The following HDAC9 variants were observed in gnomAD, a reference collection of about 807,000 sequenced individuals.
HDAC9 encodes MEF-2 interacting transcription repressor (MITR) protein.
Under a neutral mutation model 139.4 loss-of-function variants are expected in HDAC9, and 41 were observed. The ratio of observed to expected loss-of-function variants is 0.29; its 90% CI spans 0.23 to 0.38. HDAC9 has a LOEUF of 0.38. HDAC9 is among the 10% of genes least tolerant of loss of function. HDAC9 has a pLI of 1.00. For synonymous variants in HDAC9, 517 were observed against 476.2 expected (o/e 1.09, Z -1.12); for missense variants, 1,147 against 1,297.0 (o/e 0.88, Z 1.78).
At chr7:18,753,038 C>T (rs1788580674) in intron 14 of HDAC9, among the ~76,000 whole-genome samples, 1 of 152,012 alleles carries the variant, frequency 6.6e-6, no homozygotes. Flanking sequence ...AGTGATGTAT[C>T]CATTCGATGA....
intron 2 of HDAC9, among the ~76,000 whole-genome samples, chr7:18,167,637 T>C (rs995803332): frequency 3.3e-5 from 5 of 152,284 alleles, no homozygotes; most frequent in South Asian, 4.1e-4. Context: ...TCTAAGGTCA[T>C]TGTGCATCTC....
intron 2 of HDAC9, among the ~76,000 whole-genome samples, chr7:18,170,084 A>G (rs1259919562): frequency 1.3e-5 from 2 of 152,176 alleles, no homozygotes; most frequent in Non-Finnish European, 2.9e-5. Flanking sequence ...CAACAGTGTA[A>G]AAGTGTTCCT....
intron 1 of HDAC9, among the ~76,000 whole-genome samples, chr7:18,465,533 C>T (rs963689856): frequency 1.3e-5 from 2 of 152,102 alleles, no homozygotes; most frequent in East Asian, 3.9e-4. Context: ...AGAATGTAAA[C>T]AATACAAATG....
chr7:18,432,038 A>G (rs1013550333), intron 1 of HDAC9, among the ~76,000 whole-genome samples: 5 of 152,206 alleles, frequency 3.3e-5, no homozygotes, highest in African/African-American at 1.2e-4. Context: ...TAAAACAGGT[A>G]TCCATGCCTT....
intron 1 of HDAC9, among the ~76,000 whole-genome samples, chr7:18,425,049 A>C (rs931601347): frequency 6.6e-6 from 1 of 152,170 alleles, no homozygotes; most frequent in African/African-American, 2.4e-5. Context: ...GGAGAGGTAT[A>C]TGAAAATATT....
At chr7:18,309,110 A>G (rs1036493851) in intron 1 of HDAC9, among the ~76,000 whole-genome samples, 5 of 152,158 alleles carry the variant, frequency 3.3e-5, no homozygotes, top group African/African-American at 9.7e-5. Context: ...TGAGACTTTG[A>G]CCAGAAGTAT....
chr7:18,819,557 A>G (rs549005386), intron 17 of HDAC9, among the ~76,000 whole-genome samples: 10 of 152,304 alleles, frequency 6.6e-5, no homozygotes, highest in Middle Eastern at 3.4e-3. Flanking sequence ...TTTCCTGGAT[A>G]CCACATGGCT....
intron 1 of HDAC9, among the ~76,000 whole-genome samples, chr7:18,376,488 A>G (rs1785003195): frequency 6.6e-6 from 1 of 152,162 alleles, no homozygotes; most frequent in Admixed American, 6.5e-5. Flanking sequence ...TGGCACTCTA[A>G]GTTGATGCAT....
At chr7:18,727,844 C>A in intron 13 of HDAC9, 87 bp downstream of exon 13, 2 of 1,060,992 alleles carry the variant, frequency 1.9e-6, no homozygotes, top group Non-Finnish European at 2.6e-6. Flanking sequence ...CTGAATAACT[C>A]CAATAGCAGA....
At chr7:18,147,390 G>A (rs764224435) in intron 1 of HDAC9, among the ~76,000 whole-genome samples, 3 of 152,072 alleles carry the variant, frequency 2.0e-5, no homozygotes, top group Non-Finnish European at 2.9e-5. Flanking sequence ...TTGCTTTTAG[G>A]TATTTTTGTC....
chr7:18,755,785 G>C (rs1788823572), intron 14 of HDAC9, among the ~76,000 whole-genome samples: 1 of 152,092 alleles, frequency 6.6e-6, no homozygotes, highest in South Asian at 2.1e-4. Context: ...TTTCTGAAGT[G>C]CTTTAGAAAT....
chr7:18,631,395 C>T (rs1009363661), intron 7 of HDAC9, among the ~76,000 whole-genome samples: 4 of 151,926 alleles, frequency 2.6e-5, no homozygotes, highest in South Asian at 2.1e-4. Flanking sequence ...TTGGAGGCTC[C>T]GGACTACTGA....
chr7:18,824,554 T>C (rs1296800513), intron 17 of HDAC9, among the ~76,000 whole-genome samples: 3 of 152,170 alleles, frequency 2.0e-5, no homozygotes, highest in Non-Finnish European at 4.4e-5. Flanking sequence ...ATGCTTGACA[T>C]TGAAATCATG....
intron 17 of HDAC9, among the ~76,000 whole-genome samples, chr7:18,801,345 G>A (rs943292017): frequency 1.3e-5 from 2 of 151,904 alleles, no homozygotes; most frequent in African/African-American, 4.8e-5. Context: ...TTTATAGGTG[G>A]CTATTGGTAT....
intron 2 of HDAC9, chr7:18,578,100 T>C (rs1033423021): frequency 1.2e-5 from 6 of 518,334 alleles, no homozygotes; most frequent in African/African-American, 5.8e-5. Context: ...CAGAGTGCTC[T>C]GCTCCAGACC....
rs1458984829 is a variant in HDAC9, at chr7:18,776,074, GAAT to G, written c.2214+8921_2214+8923del. ...AGCTTTGTTAAGAGCTAGGAGGTAG[GAAT>G]ACAGGTACACACCACCACACATATT... On this transcript the variant is annotated intron_variant, in intron 16 of 25. Coordinates refer to ENST00000686413, the MANE Select transcript of HDAC9 (RefSeq NM_178425.4). 2.0e-5 allele frequency among the ~76,000 whole-genome samples: 3 copies of G among 152,130 alleles called. No individual in the cohort carries two copies. The East Asian group carries it at 5.8e-4, about 30-fold the overall frequency.
chr7:18,861,612 A>G (rs1798115210), intron 21 of HDAC9, among the ~76,000 whole-genome samples: 1 of 151,992 alleles, frequency 6.6e-6, no homozygotes, highest in South Asian at 2.1e-4. Context: ...TTCTCTCTCA[A>G]CTCTTAGCTC....
intron 2 of HDAC9, among the ~76,000 whole-genome samples, chr7:18,217,798 A>T (rs1433694179): frequency 6.6e-6 from 1 of 152,204 alleles, no homozygotes; most frequent in Non-Finnish European, 1.5e-5. Flanking sequence ...GCTATGTAAC[A>T]ATTACCCTAA....
chr7:18,736,951 C>A (rs212674), intron 13 of HDAC9, among the ~76,000 whole-genome samples: 1 of 151,836 alleles, frequency 6.6e-6, no homozygotes, highest in African/African-American at 2.4e-5. Context: ...CTTCTTCCGG[C>A]TTTAGTCTTG....
Sources: gnomAD v4.1 joint callset for allele counts (sites outside exome capture counted in the v4.1 genomes callset) on GRCh38, gnomAD v4.1.1 for gene constraint, MANE v1.5 for transcripts, NCBI Gene and HGNC (gene_info 2026-07-23, HGNC 2026-07-21) for gene names.